WDR27: variants seen among roughly 807,000 people sequenced by gnomAD.
WDR27 encodes the protein WD repeat domain 27.
In WDR27, 100 loss-of-function variants were observed where a neutral mutation model predicts 114.4. The observed-to-expected ratio is 0.87, with a 90% CI of 0.74 to 1.03. The LOEUF is 1.03. Among genes scored for constraint, WDR27 ranks in the 50% least tolerant of loss-of-function variants. The pLI is 0.00. For synonymous variants in WDR27, 449 were observed against 423.1 expected, an observed-to-expected ratio of 1.06 and a Z score of -0.75; for missense variants, 1,129 against 1,092.9, an observed-to-expected ratio of 1.03 and a Z score of -0.47.
chr6:169,459,232 T>C (rs990129308), intron 25 of WDR27, among the ~76,000 whole-genome samples: 2 of 151,974 alleles, frequency 1.3e-5, no homozygotes, highest in African/African-American at 4.8e-5. Flanking sequence ...AAATTATGTA[T>C]GAACAAAATG....
At chr6:169,678,562 A>G (rs1780672499) in intron 2 of WDR27, among the ~76,000 whole-genome samples, 1 of 152,090 alleles carries the variant, frequency 6.6e-6, no homozygotes, top group African/African-American at 2.4e-5. Flanking sequence ...GGGACTTTTG[A>G]TTGAGTTGAT....
In WDR27 at chr6:169,636,260, G is replaced by C; in HGVS notation, c.2003+111C>G. 2.4e-6 allele frequency: 3 copies of C among 1,276,486 alleles called. No homozygotes were observed. In the South Asian group the frequency reaches 4.4e-5, roughly 19 times the overall value. 79.1% of individuals were successfully genotyped at this position (1,276,486 alleles called of 1,614,324 possible). A position where few individuals can be genotyped will look rare whatever the true frequency, so the allele number is the denominator to read the frequency against. On this transcript the variant is annotated intron_variant, in intron 19 of 25. Coordinates refer to ENST00000448612, the MANE Select transcript of WDR27 (RefSeq NM_182552.5). ...CTCATCAAGAGTTTGGTGATATGAG[G>C]TCATTATTAAATTTGGGGCAACATT...
intron 2 of WDR27, among the ~76,000 whole-genome samples, chr6:169,675,566 G>C (rs1304913269): frequency 2.0e-5 from 3 of 152,170 alleles, no homozygotes; most frequent in Non-Finnish European, 4.4e-5. Flanking sequence ...GTACTTTAGG[G>C]AGGCATGAGA....
intron 24 of WDR27, among the ~76,000 whole-genome samples, chr6:169,577,007 A>G (rs1269623233): frequency 1.3e-5 from 2 of 151,746 alleles, no homozygotes; most frequent in Non-Finnish European, 2.9e-5. Flanking sequence ...TACAGCGATT[A>G]TGTATTTTAT....
At chr6:169,640,963 C>G (rs1248451175) in intron 17 of WDR27, among the ~76,000 whole-genome samples, 1 of 151,994 alleles carries the variant, frequency 6.6e-6, no homozygotes, top group Non-Finnish European at 1.5e-5. Flanking sequence ...GCTACTCATG[C>G]CCTTCCTTCT....
downstream of WDR27, among the ~76,000 whole-genome samples, chr6:169,455,123 G>A (rs1277360428): frequency 1.3e-5 from 2 of 152,228 alleles, no homozygotes; most frequent in African/African-American, 2.4e-5. Context: ...AGGTGCAGCT[G>A]GAAAGCCTGG....
rs1206665461 is a variant in WDR27 at position 169,665,481 on chromosome 6, C to A, written c.783+5G>T. ...AACTGGAACTTAACTCTGTGGCTGT[C>A]TCACCTGGCCGTCAGCACACCCGGT... On this transcript the variant is annotated splice_donor_5th_base_variant and intron_variant, in intron 7 of 25. Transcript: ENST00000448612. The A allele has an allele frequency of 6.2e-7, 1 of 1,612,240 alleles. No homozygotes were observed. Among genetic ancestry groups the A allele is most frequent in the Non-Finnish European group, 8.5e-7 (1 of 1,179,134 alleles).
the WDR27 span, among the ~76,000 whole-genome samples, chr6:169,447,372 A>G: frequency 2.0e-5 from 3 of 152,066 alleles, no homozygotes; most frequent in African/African-American, 7.2e-5. Flanking sequence ...ATTTTTTTAA[A>G]TGTTTGATAA....
chr6:169,607,269 C>T (rs529130081), intron 22 of WDR27, among the ~76,000 whole-genome samples: 1 of 152,118 alleles, frequency 6.6e-6, no homozygotes, highest in African/African-American at 2.4e-5. Context: ...GTCATGATTT[C>T]AAAAAGACAC....
intron 13 of WDR27, 72 bp downstream of exon 13, chr6:169,658,204 A>G: frequency 1.6e-6 from 2 of 1,232,148 alleles, no homozygotes; most frequent in Non-Finnish European, 2.3e-6. Context: ...TCGCAAAGCA[A>G]TGCAGCAGCC....
rs901820879 is a variant in WDR27 at position 169,613,656 on chromosome 6, C to G, written c.2224G>C (p.Gly742Arg). ...GGCTGTTGGGTTGTAAATGATGAAC[C>G]CTATAATTTTAAGGGGGAAATCAAG... ...RPVHQICQNK[G>R]SSFTTQQPQA... Residue 742 changes from glycine (G) to arginine (R), a missense_variant and splice_region_variant, in exon 22 of 26, where the codon GGT becomes CGT. Coordinates refer to ENST00000448612, the MANE Select transcript of WDR27 (RefSeq NM_182552.5). The G allele has an allele frequency of 2.5e-6, 4 of 1,607,194 alleles. No homozygotes were observed. The highest frequency in any genetic ancestry group is 2.2e-5 in the East Asian group (1 of 44,750).
intron 16 of WDR27, among the ~76,000 whole-genome samples, chr6:169,644,159 AGAAAAG>A (rs1562793505): frequency 3.7e-4 from 52 of 141,616 alleles, no homozygotes; most frequent in African/African-American, 1.4e-3. Flanking sequence ...GTCACACTGT[AGAAAAG>A]CCTAGTTCAC....
chr6:169,651,640 C>G (rs555641037), intron 14 of WDR27, among the ~76,000 whole-genome samples: 3 of 152,140 alleles, frequency 2.0e-5, no homozygotes, highest in African/African-American at 7.2e-5. Flanking sequence ...CAGCCCCACA[C>G]CCCACCAGCT....
chr6:169,642,242 G>A (rs1055921262), intron 17 of WDR27, among the ~76,000 whole-genome samples: 7 of 152,186 alleles, frequency 4.6e-5, no homozygotes, highest in South Asian at 2.1e-4. Context: ...ACTATTAAAC[G>A]TTACACACCC....
chr6:169,435,403 C>T, the WDR27 span, among the ~76,000 whole-genome samples: 12 of 152,286 alleles, frequency 7.9e-5, no homozygotes, highest in African/African-American at 2.9e-4. Flanking sequence ...CAACTTGCAC[C>T]GTGCTCCTGG....
At chr6:169,546,874 T>G (rs1463161911) in intron 25 of WDR27, among the ~76,000 whole-genome samples, 1 of 152,174 alleles carries the variant, frequency 6.6e-6, no homozygotes, top group Non-Finnish European at 1.5e-5. Flanking sequence ...CTTAGTTTGT[T>G]AGAGACAGTT....
At chr6:169,429,281 C>A in the WDR27 span, among the ~76,000 whole-genome samples, 1 of 152,166 alleles carries the variant, frequency 6.6e-6, no homozygotes, top group African/African-American at 2.4e-5. Context: ...TGACACAAGC[C>A]CTTGACAGCT....
chr6:169,517,184 CTCTT>C (rs1234570259), intron 25 of WDR27, among the ~76,000 whole-genome samples: 2 of 152,130 alleles, frequency 1.3e-5, no homozygotes, highest in African/African-American at 4.8e-5. Flanking sequence ...ACCACCAACT[CTCTT>C]TCTCTTGCTC....
intron 23 of WDR27, 23 bp from the exon 24 acceptor site, chr6:169,582,957 G>A (rs545650926): frequency 3.3e-5 from 53 of 1,609,042 alleles, no homozygotes; most frequent in South Asian, 2.9e-4. Context: ...ATGAGCAGGT[G>A]TGCCATGTTA....
Sources: gnomAD v4.1 joint callset for allele counts (sites outside exome capture counted in the v4.1 genomes callset) on GRCh38, gnomAD v4.1.1 for gene constraint, MANE v1.5 for transcripts, NCBI Gene and HGNC (gene_info 2026-07-23, HGNC 2026-07-21) for gene names.